Variants in EMILIN2 observed in about 807,000 individuals in gnomAD.
The protein encoded by EMILIN2 is elastin microfibril interfacer 2, also known as EMILIN-2.
Under a neutral mutation model 87.1 loss-of-function variants are expected in EMILIN2, and 71 were observed. The observed-to-expected ratio is 0.82, with a 90% CI of 0.67 to 0.99. The LOEUF (loss-of-function observed/expected upper bound fraction) is 0.99, where lower values mean the gene tolerates loss of function less well. Among genes scored for constraint, EMILIN2 ranks in the 50% least tolerant of loss-of-function variants. The pLI is 0.00. For synonymous variants in EMILIN2, 581 were observed against 563.4 expected, an observed-to-expected ratio of 1.03 and a Z score of -0.44; for missense variants, 1,407 against 1,371.8, an observed-to-expected ratio of 1.03 and a Z score of -0.40.
intron 3 of EMILIN2, among the ~76,000 whole-genome samples, chr18:2,889,137 T>TTTTTTTTTTTTTTTTTTTTTTTTTC (rs2076819510): frequency 8.2e-6 from 1 of 121,912 alleles, no homozygotes; most frequent in Non-Finnish European, 1.7e-5. Flanking sequence ...TCTTTTCTTT[T>TTTTTTTTTTTTTTTTTTTTTTTTTC]TTTTTTTTTT....
At chr18:2,855,550 A>G (rs914651668) in intron 2 of EMILIN2, among the ~76,000 whole-genome samples, 1 of 152,216 alleles carries the variant, frequency 6.6e-6, no homozygotes, top group Non-Finnish European at 1.5e-5. Context: ...CCACGGTGGC[A>G]CGTGGTATTT....
Position 2,894,293 on chromosome 18 carries a change from C to T in EMILIN2, c.2359+1807C>T, listed in dbSNP as rs1220031881. 2.0e-5 allele frequency among the ~76,000 whole-genome samples: 3 copies of T among 152,132 alleles called. No individual in the cohort carries two copies. The East Asian group carries it at 5.8e-4, about 29-fold the overall frequency. ...GAAAATGCCCTGGATGTCCCCAGAGCACTGTGCTTATCTTGCAGATGACGA... is the reference window on the plus strand; with the variant it reads ...GAAAATGCCCTGGATGTCCCCAGAGTACTGTGCTTATCTTGCAGATGACGA... On this transcript the variant is annotated intron_variant, in intron 4 of 7. Coordinates refer to ENST00000254528, the MANE Select transcript of EMILIN2 (RefSeq NM_032048.3). This position sits in a 1 kb window ranked among gnomAD's most constrained non-coding sequence, Gnocchi z 5.0.
chr18:2,897,493 GT>G (rs2076868833), intron 4 of EMILIN2, among the ~76,000 whole-genome samples: 1 of 152,178 alleles, frequency 6.6e-6, no homozygotes, highest in African/African-American at 2.4e-5. Flanking sequence ...GATGCTGTAG[GT>G]GGCCACAGGT....
chr18:2,912,666 C>T (rs147735452), intron 7 of EMILIN2, among the ~76,000 whole-genome samples: 5 of 152,304 alleles, frequency 3.3e-5, no homozygotes, highest in South Asian at 4.1e-4. Flanking sequence ...GCCTCTTCCA[C>T]GAGGAGCCTG....
At chr18:2,860,600 G>A (rs1285970827) in intron 2 of EMILIN2, among the ~76,000 whole-genome samples, 1 of 152,192 alleles carries the variant, frequency 6.6e-6, no homozygotes, top group Non-Finnish European at 1.5e-5. Context: ...GTATTCCATG[G>A]TGTATATGTT....
At chr18:2,908,394 C>T (rs2076924943) in intron 5 of EMILIN2, among the ~76,000 whole-genome samples, 1 of 152,142 alleles carries the variant, frequency 6.6e-6, no homozygotes, top group African/African-American at 2.4e-5. Flanking sequence ...ACCCCAGGGA[C>T]CCACCCACCC....
chr18:2,885,134 C>T lies in EMILIN2; in HGVS notation c.428C>T (p.Ala143Val). 6.2e-7 allele frequency: 1 copy of T among 1,601,338 alleles called. No individual in the cohort carries two copies. The highest frequency in any genetic ancestry group is 1.3e-5 in the African/African-American group (1 of 74,428). The stretch of plus-strand genomic sequence containing the variant: ...CGGCCTCGAAACAGCTTGAAGAAAG[C>T]CACAGGTAACTTCTTATTTGTGCTA... ...PARPRNSLKKATDNEPSQFSE... is the reference protein window; with the variant it reads ...PARPRNSLKKVTDNEPSQFSE... The change falls in exon 3 of 8, where the codon GCC becomes GTC. Residue 143 changes from alanine to valine, a missense_variant. By Grantham distance (64) the Ala-to-Val change is moderately conservative (BLOSUM62 0). Coordinates refer to ENST00000254528, the MANE Select transcript of EMILIN2 (RefSeq NM_032048.3).
chr18:2,885,259 G>A, intron 3 of EMILIN2, 120 bp downstream of exon 3: 1 of 1,072,134 alleles, frequency 9.3e-7, no homozygotes, highest in East Asian at 2.8e-5. Context: ...AACACACATA[G>A]ATACCTGCAG....
At chr18:2,902,910 T>A (rs2076894423) in intron 4 of EMILIN2, among the ~76,000 whole-genome samples, 1 of 151,822 alleles carries the variant, frequency 6.6e-6, no homozygotes, top group Non-Finnish European at 1.5e-5. Context: ...AAGGGCGGAT[T>A]TCAGAGGAAA....
Position 2,876,139 on chromosome 18 carries a change from A to G in EMILIN2, c.258-8825A>G, listed in dbSNP as rs2076746595. Among the ~76,000 whole-genome samples, 3 of 151,586 alleles carry G rather than the reference A, an allele frequency of 2.0e-5. No homozygotes were observed. In the South Asian group the frequency reaches 6.3e-4, roughly 32 times the overall value. ...TGAGACAACAGGCGCGTGCCACCACACCCAGCTAATTTTTTGTATTTTTAG... is the reference window on the plus strand; with the variant it reads ...TGAGACAACAGGCGCGTGCCACCACGCCCAGCTAATTTTTTGTATTTTTAG... On this transcript the variant is annotated intron_variant, in intron 2 of 7. Transcript: ENST00000254528.
At position 2,858,595 on chromosome 18, in the gene EMILIN2, A is replaced by G. The variant is rs1368264481; in HGVS notation, c.257+10664A>G. ...TGTGTGTGTGTGTGTATATATATAT[A>G]TATATATGTGTATATATATATATGT... On this transcript the variant is annotated intron_variant, in intron 2 of 7. Coordinates refer to ENST00000254528, the MANE Select transcript of EMILIN2 (RefSeq NM_032048.3). 3.5e-4 allele frequency among the ~76,000 whole-genome samples: 38 copies of G among 109,954 alleles called. 6 individuals are homozygous for G. Among genetic ancestry groups the G allele is most frequent in the African/African-American group, 1.9e-3 (37 of 19,618 alleles). 72.1% of individuals were successfully genotyped at this position (109,954 alleles called of 152,430 possible). A position where few individuals can be genotyped will look rare whatever the true frequency, so the allele number is the denominator to read the frequency against.
chr18:2,894,220 G>A lies in EMILIN2; in HGVS notation c.2359+1734G>A, dbSNP rs1478249236. Among the ~76,000 whole-genome samples, 6 of 152,150 alleles carry A rather than the reference G, an allele frequency of 3.9e-5. No homozygotes were observed. Among genetic ancestry groups the A allele is most frequent in the Non-Finnish European group, 7.4e-5 (5 of 68,014 alleles). On this transcript the variant is annotated intron_variant, in intron 4 of 7. Transcript: ENST00000254528. The surrounding 1 kb of genome is among the most constrained non-coding windows in gnomAD (Gnocchi z 5.0). ...TCTGGCTTGGTCAGGGAGAGCCAGG[G>A]CCAGGTCCTGGCAGCTCAGGAGGGT...
intron 2 of EMILIN2, among the ~76,000 whole-genome samples, chr18:2,858,583 G>GTGTGTGTGTGTGTATATATATA (rs1180735843): frequency 3.2e-5 from 2 of 63,042 alleles, no homozygotes; most frequent in African/African-American, 1.9e-4. Context: ...GTGTGTGTGT[G>GTGTGTGTGTGTGTATATATATA]TATATATATA....
At chr18:2,873,413 A>AAAAT (rs1261810018) in intron 2 of EMILIN2, among the ~76,000 whole-genome samples, 5 of 148,420 alleles carry the variant, frequency 3.4e-5, no homozygotes, top group Non-Finnish European at 6.0e-5. Flanking sequence ...CCGTCTCAAC[A>AAAAT]AAATAAATAA....
At chr18:2,856,483 C>T (rs1223435504) in intron 2 of EMILIN2, among the ~76,000 whole-genome samples, 1 of 152,132 alleles carries the variant, frequency 6.6e-6, no homozygotes, top group Admixed American at 6.5e-5. Context: ...ATCCCACCGC[C>T]CCTAATGTGT....
chr18:2,897,188 A>G (rs918770287), intron 4 of EMILIN2, among the ~76,000 whole-genome samples: 4 of 152,206 alleles, frequency 2.6e-5, no homozygotes, highest in Non-Finnish European at 5.9e-5. Flanking sequence ...TTGGATTTTA[A>G]GTACCGTGAG....
intron 4 of EMILIN2, among the ~76,000 whole-genome samples, chr18:2,902,700 A>T (rs2076893214): frequency 6.6e-6 from 1 of 152,208 alleles, no homozygotes; most frequent in South Asian, 2.1e-4. Context: ...AGAACAATGG[A>T]AGATTTTTGA....
intron 2 of EMILIN2, among the ~76,000 whole-genome samples, chr18:2,850,939 G>A (rs1400930049): frequency 6.6e-6 from 1 of 152,042 alleles, no homozygotes; most frequent in East Asian, 1.9e-4. Context: ...GAAAGGCCAT[G>A]GGTTAGTGAG....
intron 4 of EMILIN2, among the ~76,000 whole-genome samples, chr18:2,895,716 G>A (rs1598501582): frequency 6.6e-6 from 1 of 152,256 alleles, no homozygotes; most frequent in African/African-American, 2.4e-5. Context: ...TATGGCGACT[G>A]TCAAGGGAAA....
Sources: gnomAD v4.1 joint callset for allele counts (sites outside exome capture counted in the v4.1 genomes callset) on GRCh38, gnomAD v4.1.1 for gene constraint, Gnocchi (gnomAD v3.1) non-coding constraint, MANE v1.5 for transcripts, NCBI Gene and HGNC (gene_info 2026-07-23, HGNC 2026-07-21) for gene names.